The following ASAP2 variants were observed in gnomAD, a reference collection of about 807,000 sequenced individuals.
The protein encoded by ASAP2 is arf-GAP with SH3 domain, ANK repeat and PH domain-containing protein 2.
ASAP2 carries 45 observed loss-of-function variants against 131.4 expected under a neutral mutation model. The observed-to-expected ratio is 0.34, with a 90% CI of 0.27 to 0.44. ASAP2 has a LOEUF of 0.44. ASAP2 is among the 20% of genes least tolerant of loss of function. The probability of loss-of-function intolerance (pLI) is 1.00; values close to 1 mark genes in which losing one functional copy is unlikely to be tolerated. For missense variants in ASAP2, 1,011 were observed against 1,297.0 expected, an observed-to-expected ratio of 0.78 and a Z score of 3.39; for synonymous variants, 510 against 503.0, an observed-to-expected ratio of 1.01 and a Z score of -0.19.
intron 1 of ASAP2, among the ~76,000 whole-genome samples, chr2:9,208,494 G>A (rs563014206): frequency 1.4e-5 from 2 of 144,162 alleles, no homozygotes; most frequent in South Asian, 2.3e-4. Context: ...TTCCCTTAAT[G>A]GAAAAATTTT....
Position 9,318,514 on chromosome 2 carries a change from TG to T in ASAP2, c.346-9del, listed in dbSNP as rs1226616811. 8 of 1,606,970 alleles carry T rather than the reference TG, an allele frequency of 5.0e-6. No individual in the cohort carries two copies. Among genetic ancestry groups the T allele is most frequent in the Non-Finnish European group, 6.8e-6 (8 of 1,173,676 alleles). On this transcript the variant is annotated splice_polypyrimidine_tract_variant and intron_variant, in intron 3 of 27. Coordinates refer to ENST00000281419, the MANE Select transcript of ASAP2 (RefSeq NM_003887.3). ...CTGAATAAGAATCTCCTTTTGTTTTTGTTTTTTAGATTCAGAATATGAACAA... is the reference window on the plus strand; with the variant it reads ...CTGAATAAGAATCTCCTTTTGTTTTTTTTTTTAGATTCAGAATATGAACAA...
chr2:9,293,981 T>C (rs1197574378), intron 2 of ASAP2, among the ~76,000 whole-genome samples: 1 of 150,738 alleles, frequency 6.6e-6, no homozygotes, highest in African/African-American at 2.5e-5. Flanking sequence ...GTTTAGAAGA[T>C]GTATAAGGAC....
At chr2:9,221,248 T>C (rs915115391) in intron 1 of ASAP2, among the ~76,000 whole-genome samples, 1 of 152,158 alleles carries the variant, frequency 6.6e-6, no homozygotes, top group Non-Finnish European at 1.5e-5. Flanking sequence ...ATTTGGGGAG[T>C]ATAGACATCT....
intron 1 of ASAP2, among the ~76,000 whole-genome samples, chr2:9,214,556 T>A (rs935642655): frequency 3.3e-5 from 5 of 151,832 alleles, no homozygotes; most frequent in Non-Finnish European, 7.3e-5. Flanking sequence ...CCAGGTGCTT[T>A]TATACCATTA....
chr2:9,264,811 A>G (rs1433259577), intron 1 of ASAP2, among the ~76,000 whole-genome samples: 2 of 152,148 alleles, frequency 1.3e-5, no homozygotes, highest in East Asian at 3.8e-4. Context: ...TTCAAGAAAA[A>G]ATATCCAATA....
At chr2:9,353,826 G>T (rs1672509297) in intron 12 of ASAP2, among the ~76,000 whole-genome samples, 1 of 152,052 alleles carries the variant, frequency 6.6e-6, no homozygotes, top group Admixed American at 6.5e-5. Context: ...AGGTGGAATT[G>T]GGGCCAGGGG....
At position 9,392,855 on chromosome 2, in the gene ASAP2, G is replaced by A. The variant is rs901282576; in HGVS notation, c.2519-627G>A. Reference sequence around the variant, plus strand: ...TGCCTATCAAGGGAGGAGAGACGGAGGAAGGAGACTTGGACTCACAGCCTC... The same window carrying A: ...TGCCTATCAAGGGAGGAGAGACGGAAGAAGGAGACTTGGACTCACAGCCTC... On this transcript the variant is annotated intron_variant, in intron 23 of 27. Coordinates refer to ENST00000281419, the MANE Select transcript of ASAP2 (RefSeq NM_003887.3). This position sits in a 1 kb window ranked among gnomAD's most constrained non-coding sequence, Gnocchi z 4.0. 6.6e-6 allele frequency among the ~76,000 whole-genome samples: 1 copy of A among 152,126 alleles called. No individual in the cohort carries two copies. The highest frequency in any genetic ancestry group is 1.5e-5 in the Non-Finnish European group (1 of 68,034).
chr2:9,258,060 G>A (rs899267433), intron 1 of ASAP2, among the ~76,000 whole-genome samples: 2 of 152,122 alleles, frequency 1.3e-5, no homozygotes, highest in Non-Finnish European at 1.5e-5. Context: ...CACAACCAGT[G>A]CTGGTATCAT....
At chr2:9,256,270 A>G (rs1665156281) in intron 1 of ASAP2, among the ~76,000 whole-genome samples, 1 of 152,158 alleles carries the variant, frequency 6.6e-6, no homozygotes, top group South Asian at 2.1e-4. Context: ...TGATGAAGAT[A>G]AAAAATTAGC....
At chr2:9,380,585 A>G (rs757957318) in intron 19 of ASAP2, among the ~76,000 whole-genome samples, 156 bp from the exon 20 acceptor site, 1 of 152,244 alleles carries the variant, frequency 6.6e-6, no homozygotes, top group Non-Finnish European at 1.5e-5. Flanking sequence ...TACAAGATAC[A>G]TTCAGCCTCG....
intron 1 of ASAP2, among the ~76,000 whole-genome samples, chr2:9,245,185 G>A (rs2148102630): frequency 6.6e-6 from 1 of 152,320 alleles, no homozygotes; most frequent in East Asian, 1.9e-4. Flanking sequence ...TGGATGCAGA[G>A]AGCTGGGCTC....
intron 1 of ASAP2, among the ~76,000 whole-genome samples, chr2:9,239,872 G>A (rs564081453): frequency 6.6e-6 from 1 of 152,100 alleles, no homozygotes; most frequent in East Asian, 1.9e-4. Flanking sequence ...GACTCCAGGT[G>A]CACACCACCA....
chr2:9,267,485 TTA>T (rs1448389919), intron 1 of ASAP2, among the ~76,000 whole-genome samples: 1 of 152,200 alleles, frequency 6.6e-6, no homozygotes, highest in Admixed American at 6.5e-5. Flanking sequence ...TAGTTCTTTT[TTA>T]TGGCTGCGTC....
intron 18 of ASAP2, among the ~76,000 whole-genome samples, chr2:9,377,821 G>A (rs1674522964): frequency 6.6e-6 from 1 of 152,204 alleles, no homozygotes; most frequent in Non-Finnish European, 1.5e-5. Flanking sequence ...GGAGTGTGGG[G>A]TGGTCAACCC....
chr2:9,207,985 G>T lies in ASAP2; in HGVS notation c.126+755G>T, dbSNP rs758051573. On this transcript the variant is annotated intron_variant, in intron 1 of 27. Transcript: ENST00000281419. The surrounding 1 kb of genome is among the most constrained non-coding windows in gnomAD (Gnocchi z 4.1). ...AGCTGCTAAGCAGTACGCTCTCCAG[G>T]TCCTGGGGAGAGGAACACGTAGGAA... 6.6e-6 allele frequency among the ~76,000 whole-genome samples: 1 copy of T among 152,206 alleles called. No homozygotes were observed. The highest frequency in any genetic ancestry group is 1.5e-5 in the Non-Finnish European group (1 of 68,040).
chr2:9,345,137 G>A (rs1260622036), intron 11 of ASAP2, among the ~76,000 whole-genome samples: 1 of 151,976 alleles, frequency 6.6e-6, no homozygotes, highest in Non-Finnish European at 1.5e-5. Context: ...ACTCCAGAAA[G>A]CACAGAACAG....
chr2:9,345,547 ACATGGG>A (rs1431656482), intron 11 of ASAP2, among the ~76,000 whole-genome samples: 1 of 152,174 alleles, frequency 6.6e-6, no homozygotes, highest in African/African-American at 2.4e-5. Context: ...GGTGATAACC[ACATGGG>A]CTGGTAGACA....
intron 25 of ASAP2, 140 bp downstream of exon 25, chr2:9,400,212 T>TGCCCCCTCCC: frequency 1.5e-6 from 1 of 669,484 alleles, no homozygotes; most frequent in Non-Finnish European, 2.3e-6. Flanking sequence ...CCTCCCCTCC[T>TGCCCCCTCCC]GCCCCCTCCC....
intron 1 of ASAP2, among the ~76,000 whole-genome samples, chr2:9,277,406 C>A (rs1666829754): frequency 6.6e-6 from 1 of 152,106 alleles, no homozygotes; most frequent in South Asian, 2.1e-4. Context: ...TTCCAAGTCC[C>A]CTTTTGTATC....
Sources: allele counts gnomAD v4.1 joint callset (sites outside exome capture counted in the v4.1 genomes callset), GRCh38; gene constraint gnomAD v4.1.1; non-coding constraint Gnocchi (gnomAD v3.1); transcripts MANE v1.5; gene names NCBI Gene and HGNC (gene_info 2026-07-23, HGNC 2026-07-21).